GNB4: variants seen among roughly 807,000 people sequenced by gnomAD.
The protein encoded by GNB4 is guanine nucleotide-binding protein subunit beta-4.
Under a neutral mutation model 45.2 loss-of-function variants are expected in GNB4, and 28 were observed. The observed-to-expected ratio is 0.62, with a 90% CI of 0.46 to 0.85. The LOEUF (loss-of-function observed/expected upper bound fraction) is 0.85, where lower values mean the gene tolerates loss of function less well. Ranked by LOEUF, GNB4 falls within the 40% of genes least tolerant of loss-of-function variation. GNB4 has a pLI of 0.00. For missense variants in GNB4, 321 were observed against 425.4 expected, an observed-to-expected ratio of 0.75 and a Z score of 2.16; for synonymous variants, 132 against 143.7, an observed-to-expected ratio of 0.92 and a Z score of 0.58.
chr3:179,406,444 C>T (rs867795192), intron 8 of GNB4, among the ~76,000 whole-genome samples: 1 of 152,130 alleles, frequency 6.6e-6, no homozygotes, highest in African/African-American at 2.4e-5. Context: ...TCCCTTAACA[C>T]TTGGCAGATA....
chr3:179,465,325 C>G, the GNB4 span: 1 of 1,320,924 alleles, frequency 7.6e-7, no homozygotes, highest in Non-Finnish European at 1.1e-6. Flanking sequence ...CCATTATGGC[C>G]GGGCGCGGTG....
chr3:179,490,622 A>G, the GNB4 span, among the ~76,000 whole-genome samples: 256 of 152,314 alleles, frequency 1.7e-3, 1 homozygote, highest in African/African-American at 5.8e-3. Context: ...CAAAGGCCAA[A>G]AAAACTGAAT....
At chr3:179,504,071 T>G in the GNB4 span, among the ~76,000 whole-genome samples, 256 of 152,320 alleles carry the variant, frequency 1.7e-3, 1 homozygote, top group African/African-American at 5.8e-3. Context: ...AGTCAAGTTT[T>G]TATAACTGCT....
chr3:179,461,601 A>G, the GNB4 span, among the ~76,000 whole-genome samples: 1 of 152,236 alleles, frequency 6.6e-6, no homozygotes, highest in Non-Finnish European at 1.5e-5. Context: ...GCTGAAATAT[A>G]AATTTCAAGG....
At chr3:179,441,473 C>G (rs1206785453) in intron 1 of GNB4, among the ~76,000 whole-genome samples, 1 of 152,076 alleles carries the variant, frequency 6.6e-6, no homozygotes, top group Non-Finnish European at 1.5e-5. Context: ...GTGGCTCATG[C>G]CTGTAATTCT....
chr3:179,454,504 A>G (rs953547808), upstream of GNB4, among the ~76,000 whole-genome samples: 8 of 152,184 alleles, frequency 5.3e-5, no homozygotes, highest in African/African-American at 1.9e-4. Context: ...GTTTTGCTTC[A>G]CTATGATCAA....
At chr3:179,504,139 G>A in the GNB4 span, among the ~76,000 whole-genome samples, 1 of 151,890 alleles carries the variant, frequency 6.6e-6, no homozygotes, top group Non-Finnish European at 1.5e-5. Flanking sequence ...GAATTTTCTA[G>A]TACAGCTTGC....
At chr3:179,526,687 T>C in the GNB4 span, among the ~76,000 whole-genome samples, 1 of 152,204 alleles carries the variant, frequency 6.6e-6, no homozygotes, top group Non-Finnish European at 1.5e-5. Context: ...CGTGCTTCCA[T>C]GCCAAGGCTC....
the GNB4 span, among the ~76,000 whole-genome samples, chr3:179,503,067 C>T: frequency 6.6e-6 from 1 of 152,248 alleles, no homozygotes; most frequent in Non-Finnish European, 1.5e-5. Context: ...CGCCTGTCCT[C>T]AAGTGATCCT....
the GNB4 span, among the ~76,000 whole-genome samples, chr3:179,458,364 G>A: frequency 1.4e-4 from 21 of 152,160 alleles, no homozygotes; most frequent in African/African-American, 4.3e-4. Context: ...GATAAAGTCC[G>A]CAGTTTTTAA....
At chr3:179,446,801 G>A (rs934931480) in intron 1 of GNB4, among the ~76,000 whole-genome samples, 3 of 152,192 alleles carry the variant, frequency 2.0e-5, no homozygotes, top group African/African-American at 7.2e-5. Flanking sequence ...CACTAACGCT[G>A]TAAGATTCTC....
intron 1 of GNB4, among the ~76,000 whole-genome samples, chr3:179,439,753 A>G (rs903341353): frequency 1.3e-5 from 2 of 152,252 alleles, no homozygotes; most frequent in Non-Finnish European, 1.5e-5. Flanking sequence ...CCGATTTCTC[A>G]TATGAAAATT....
the GNB4 span, among the ~76,000 whole-genome samples, chr3:179,476,724 T>G: frequency 2.0e-5 from 3 of 152,236 alleles, no homozygotes; most frequent in African/African-American, 7.2e-5. Context: ...ACCTGCAGAA[T>G]TAGCACCACG....
chr3:179,446,560 T>G (rs541057318), intron 1 of GNB4, among the ~76,000 whole-genome samples: 76 of 152,344 alleles, frequency 5.0e-4, no homozygotes, highest in Non-Finnish European at 9.4e-4. Context: ...TTCAGGAGGC[T>G]TAACTAAAGT....
At chr3:179,444,666 C>T (rs1168159980) in intron 1 of GNB4, among the ~76,000 whole-genome samples, 5 of 152,050 alleles carry the variant, frequency 3.3e-5, no homozygotes, top group Non-Finnish European at 7.4e-5. Flanking sequence ...AAGCCATGAT[C>T]GTACCACTGC....
the GNB4 span, among the ~76,000 whole-genome samples, chr3:179,466,155 T>A: frequency 6.6e-6 from 1 of 151,942 alleles, no homozygotes; most frequent in Non-Finnish European, 1.5e-5. Context: ...GGATTACAGG[T>A]GCATGCCACC....
intron 5 of GNB4, among the ~76,000 whole-genome samples, chr3:179,415,338 G>C (rs1447348143): frequency 6.6e-6 from 1 of 152,090 alleles, no homozygotes; most frequent in Non-Finnish European, 1.5e-5. Flanking sequence ...TTAATATACT[G>C]CCATTTGAAA....
At chr3:179,455,856 G>T (rs773575891), upstream of GNB4, among the ~76,000 whole-genome samples, 6 of 152,190 alleles carry the variant, frequency 3.9e-5, no homozygotes, top group Non-Finnish European at 8.8e-5. Flanking sequence ...TGGCAAGTTG[G>T]TGCTGGCTGC....
chr3:179,400,633 A>G lies in GNB4; in HGVS notation c.*580T>C, dbSNP rs1485669525. The G allele has an allele frequency of 1.3e-5, 2 of 152,240 alleles. No homozygotes were observed. The highest frequency in any genetic ancestry group is 2.4e-5 in the African/African-American group (1 of 41,458). 9.4% of individuals were successfully genotyped at this position (152,240 alleles called of 1,614,324 possible). ...GAAAGCAAGCACTTTGATTAATAGTATATGGCAAATGATGCATGAGAAACA... is the reference window on the plus strand; with the variant it reads ...GAAAGCAAGCACTTTGATTAATAGTGTATGGCAAATGATGCATGAGAAACA... On this transcript the variant is annotated 3_prime_UTR_variant, in exon 10 of 10. Coordinates refer to ENST00000232564, the MANE Select transcript of GNB4 (RefSeq NM_021629.4).
Sources: gnomAD v4.1 joint callset for allele counts (sites outside exome capture counted in the v4.1 genomes callset) on GRCh38, gnomAD v4.1.1 for gene constraint, MANE v1.5 for transcripts, NCBI Gene and HGNC (gene_info 2026-07-23, HGNC 2026-07-21) for gene names.